Variants in NQO1 observed in about 807,000 individuals in gnomAD.
NQO1 encodes the protein NAD(P)H dehydrogenase [quinone] 1.
In NQO1, 30 loss-of-function variants were observed where a neutral mutation model predicts 32.1. The observed-to-expected ratio is 0.94, with a 90% CI of 0.70 to 1.27. The LOEUF (loss-of-function observed/expected upper bound fraction) is 1.27. Among genes scored for constraint, NQO1 ranks in the 50% most tolerant of loss-of-function variants. The pLI, the probability that NQO1 is intolerant of heterozygous loss-of-function variation, is 0.00. For synonymous variants in NQO1, 109 were observed against 119.7 expected, an observed-to-expected ratio of 0.91 and a Z score of 0.59; for missense variants, 276 against 331.3, an observed-to-expected ratio of 0.83 and a Z score of 1.30.
chr16:69,710,864 T>G lies in NQO1; in HGVS notation c.*112A>C. On this transcript the variant is annotated 3_prime_UTR_variant, in exon 6 of 6. Transcript: ENST00000320623. The stretch of plus-strand genomic sequence containing the variant: ...AATACAGTCGATTCCCTCTCATTTA[T>G]TCCTTGTGGAAAAAGAAAAACACAA... The G allele has an allele frequency of 8.6e-7, 1 of 1,159,688 alleles. No homozygotes were observed. Among genetic ancestry groups the G allele is most frequent in the Non-Finnish European group, 1.2e-6 (1 of 827,792 alleles). 71.8% of individuals were successfully genotyped at this position (1,159,688 alleles called of 1,614,324 possible). A position where few individuals can be genotyped will look rare whatever the true frequency, so the allele number is the denominator to read the frequency against.
In NQO1 at chr16:69,710,782, GT is replaced by G; in HGVS notation, c.*193del. 1.5e-6 allele frequency: 1 copy of G among 645,718 alleles called. No individual in the cohort carries two copies. Among genetic ancestry groups the G allele is most frequent in the Non-Finnish European group, 2.5e-6 (1 of 392,910 alleles). The allele number at this position is 645,718 out of a possible 1,614,324, so 40.0% of individuals were successfully genotyped here. A position where few individuals can be genotyped will look rare whatever the true frequency, so the allele number is the denominator to read the frequency against. On this transcript the variant is annotated 3_prime_UTR_variant, in exon 6 of 6. Coordinates refer to ENST00000320623, the MANE Select transcript of NQO1 (RefSeq NM_000903.3). ...GCCTCTTGAGCCCAGTCGGATTTTG[GT>G]TATATGCCATGATAGTAATCATAAG... is the stretch of plus-strand genomic sequence containing the variant.
At chr16:69,711,362 T>C in intron 5 of NQO1, 81 bp from the exon 6 acceptor site, 1 of 1,246,658 alleles carries the variant, frequency 8.0e-7, no homozygotes, top group South Asian at 1.4e-5. Context: ...TGGTCTGGGC[T>C]TCTCAGTAAG....
At chr16:69,717,505 A>T (rs78196819) in intron 3 of NQO1, among the ~76,000 whole-genome samples, 4 of 40,940 alleles carry the variant, frequency 9.8e-5, no homozygotes, top group African/African-American at 1.6e-4. Flanking sequence ...AACTGAAGGA[A>T]TCGCTAACTG....
At chr16:69,725,358 T>C (rs2038247216) in intron 1 of NQO1, among the ~76,000 whole-genome samples, 1 of 152,162 alleles carries the variant, frequency 6.6e-6, no homozygotes, top group African/African-American at 2.4e-5. Context: ...TTCTAAATCT[T>C]AGTACTGTCC....
intron 5 of NQO1, among the ~76,000 whole-genome samples, chr16:69,712,218 C>CA (rs1377501905): frequency 1.3e-5 from 2 of 151,802 alleles, no homozygotes; most frequent in African/African-American, 4.8e-5. Context: ...GCTGGGACCA[C>CA]AGGTGTATGA....
Position 69,718,125 on chromosome 16 carries a change from G to A in NQO1, c.301C>T (p.Gln101Ter). 1 of 1,613,972 alleles carries A rather than the reference G, an allele frequency of 6.2e-7. No individual in the cohort carries two copies. The highest frequency in any genetic ancestry group is 8.5e-7 in the Non-Finnish European group (1 of 1,179,896). Residue 101 changes from glutamine to a stop codon, truncating the protein, a stop_gained and splice_region_variant, in exon 3 of 6, where the codon CAG (glutamine) becomes TAG (stop). Transcript: ENST00000320623. LOFTEE classifies it high-confidence loss of function. ...KLEAADLVIF[Q>*]FPLQWFGVPA... The stretch of plus-strand genomic sequence containing the variant: ...CCCCTTCCGATGTCCCCCCATACCT[G>A]GAATATCACAAGGTCTGCGGCTTCC...
At chr16:69,714,853 TG>T in intron 4 of NQO1, 110 bp downstream of exon 4, 2 of 752,762 alleles carry the variant, frequency 2.7e-6, no homozygotes, top group Non-Finnish European at 4.6e-6. Context: ...CACTCCAGCC[TG>T]GGCAACAAGA....
At chr16:69,724,084 C>T (rs992536718) in intron 1 of NQO1, among the ~76,000 whole-genome samples, 2 of 151,666 alleles carry the variant, frequency 1.3e-5, no homozygotes, top group Non-Finnish European at 2.9e-5. Flanking sequence ...GAGACCGAGG[C>T]GGGTGGATTA....
chr16:69,715,025 C>G lies in NQO1; in HGVS notation c.356G>C (p.Arg119Pro), dbSNP rs11555215. Residue 119 changes from arginine (R) to proline (P), a missense_variant, in exon 4 of 6, where the codon CGA (arginine) becomes CCA (proline). Physicochemically the swap from Arg to Pro is moderately radical, Grantham distance 103. Transcript: ENST00000320623. ...GTAAGCAAACTCTCCTATGAACACT[C>G]GCTCAAACCAGCCTTTCAGAATGGC... ...VPAILKGWFE[R>P]VFIGEFAYTY... is the part of the protein sequence containing the mutation. The G allele has an allele frequency of 2.5e-3, 4,096 of 1,613,742 alleles. 64 individuals carry two copies. The African/African-American group carries it at 0.038, about 15-fold the overall frequency.
intron 1 of NQO1, among the ~76,000 whole-genome samples, chr16:69,720,538 CTTTT>C (rs111596119): frequency 6.9e-6 from 1 of 144,070 alleles, no homozygotes. Context: ...TCACATTAAA[CTTTT>C]TTTTTTTTTT....
chr16:69,723,750 C>T (rs889181244), intron 1 of NQO1, among the ~76,000 whole-genome samples: 2 of 151,986 alleles, frequency 1.3e-5, no homozygotes, highest in South Asian at 2.1e-4. Flanking sequence ...TGCAATGAGC[C>T]GAGATCGCAC....
chr16:69,711,177 C>G lies in NQO1; in HGVS notation c.624G>C (p.Trp208Cys). ...CCCAAATATTCTCCAGGCGTTTCTTCCATCCTTCCAGGATTTGAATTCGGG... is the reference window on the plus strand; with the variant it reads ...CCCAAATATTCTCCAGGCGTTTCTTGCATCCTTCCAGGATTTGAATTCGGG... The part of the protein sequence containing the change: ...ADARIQILEG[W>C]KKRLENIWDE... The change falls in exon 6 of 6, where the codon TGG becomes TGC. Residue 208 changes from tryptophan (W) to cysteine (C), a missense_variant. Coordinates refer to ENST00000320623, the MANE Select transcript of NQO1 (RefSeq NM_000903.3). The G allele has an allele frequency of 6.2e-7, 1 of 1,614,214 alleles. No individual in the cohort carries two copies. Among genetic ancestry groups the G allele is most frequent in the East Asian group, 2.2e-5 (1 of 44,892 alleles).
Position 69,726,511 on chromosome 16 carries a change from C to T in NQO1, c.-72G>A. 3 of 1,585,224 alleles carry T rather than the reference C, an allele frequency of 1.9e-6. No homozygotes were observed. Among genetic ancestry groups the T allele is most frequent in the Middle Eastern group, 1.9e-4 (1 of 5,252 alleles). On this transcript the variant is annotated 5_prime_UTR_variant, in exon 1 of 6. Transcript: ENST00000320623. The stretch of plus-strand genomic sequence containing the variant: ...CGGGGCGACCCTGGCCGGAACTAGG[C>T]TCTCGGTGAGCTGGGCGGCTCCGGC...
At chr16:69,724,847 C>T (rs2038240245) in intron 1 of NQO1, among the ~76,000 whole-genome samples, 1 of 152,168 alleles carries the variant, frequency 6.6e-6, no homozygotes, top group African/African-American at 2.4e-5. Context: ...AACCTGGATG[C>T]TTTAGTTAAC....
At chr16:69,722,603 G>A (rs1042996489) in intron 1 of NQO1, among the ~76,000 whole-genome samples, 2 of 152,196 alleles carry the variant, frequency 1.3e-5, no homozygotes, top group African/African-American at 2.4e-5. Context: ...TAAATTCAGC[G>A]AAGTGTAACT....
rs138958188 is a variant in NQO1 at position 69,711,237 on chromosome 16, T to C, written c.564A>G (p.Gln188=). Residue 188 remains glutamine (Q), a synonymous_variant, in exon 6 of 6, where the codon CAA becomes CAG. Coordinates refer to ENST00000320623, the MANE Select transcript of NQO1 (RefSeq NM_000903.3). ...HFCGFQVLEP[Q]LTYSIGHTPA... ...GAGTGTGCCCAATGCTATATGTCAG[T>C]TGAGGTTCTAAGACTTGGAAGCCAC... is the stretch of plus-strand genomic sequence containing the variant. 38 of 1,612,468 alleles carry C rather than the reference T, an allele frequency of 2.4e-5. No individual in the cohort carries two copies. The highest frequency in any genetic ancestry group is 3.0e-5 in the Non-Finnish European group (35 of 1,178,680).
intron 1 of NQO1, 117 bp downstream of exon 1, chr16:69,726,316 C>T: frequency 6.3e-6 from 9 of 1,418,898 alleles, no homozygotes; most frequent in Non-Finnish European, 8.7e-6. Flanking sequence ...CTAATCTCTT[C>T]CCTTTGTGGG....
chr16:69,724,758 C>G (rs184618966), intron 1 of NQO1, among the ~76,000 whole-genome samples: 1 of 152,252 alleles, frequency 6.6e-6, no homozygotes, highest in East Asian at 1.9e-4. Flanking sequence ...CATGCATTCT[C>G]CTTCTGCCTT....
At chr16:69,721,662 T>C (rs1421601580) in intron 1 of NQO1, among the ~76,000 whole-genome samples, 1 of 151,884 alleles carries the variant, frequency 6.6e-6, no homozygotes. Flanking sequence ...GTTACCCAAG[T>C]GTGTAGTCAT....
Sources: allele counts gnomAD v4.1 joint callset (sites outside exome capture counted in the v4.1 genomes callset), GRCh38; gene constraint gnomAD v4.1.1; transcripts MANE v1.5; gene names NCBI Gene and HGNC (gene_info 2026-07-23, HGNC 2026-07-21).